Variants in PPARGC1A observed in about 807,000 individuals in gnomAD.
The protein encoded by PPARGC1A is PPARG coactivator 1 alpha.
PPARGC1A carries 25 observed loss-of-function variants against 88.7 expected under a neutral mutation model. The ratio of observed to expected loss-of-function variants is 0.28; its 90% CI spans 0.21 to 0.39. The LOEUF is 0.39. PPARGC1A is among the 10% of genes least tolerant of loss of function. The pLI, the probability that PPARGC1A is intolerant of heterozygous loss-of-function variation, is 1.00. For synonymous variants in PPARGC1A, 363 were observed against 355.6 expected, an observed-to-expected ratio of 1.02 and a Z score of -0.24; for missense variants, 880 against 968.7, an observed-to-expected ratio of 0.91 and a Z score of 1.22.
At chr4:24,161,464 C>T in the PPARGC1A span, among the ~76,000 whole-genome samples, 2 of 152,120 alleles carry the variant, frequency 1.3e-5, no homozygotes, top group African/African-American at 4.8e-5. Flanking sequence ...GGCTGTGTGC[C>T]GATAAGAGGC....
At chr4:24,426,957 A>G in the PPARGC1A span, among the ~76,000 whole-genome samples, 1 of 152,230 alleles carries the variant, frequency 6.6e-6, no homozygotes, top group African/African-American at 2.4e-5. Flanking sequence ...TTCAGCTGTC[A>G]GGAAAGCTGC....
chr4:24,443,613 T>C, the PPARGC1A span, among the ~76,000 whole-genome samples: 6 of 151,904 alleles, frequency 3.9e-5, no homozygotes, highest in Non-Finnish European at 8.8e-5. Context: ...TGAAGTGCAG[T>C]GTCAAAATCT....
At chr4:24,064,258 G>A in the PPARGC1A span, among the ~76,000 whole-genome samples, 5 of 152,138 alleles carry the variant, frequency 3.3e-5, no homozygotes, top group Admixed American at 6.5e-5. Context: ...AGGGGAGGGG[G>A]CTGGTGACAA....
the PPARGC1A span, among the ~76,000 whole-genome samples, chr4:24,195,119 T>G: frequency 6.6e-6 from 1 of 152,180 alleles, no homozygotes. Context: ...ATGAATAGAG[T>G]ACCTATGTTA....
chr4:24,299,311 C>T, the PPARGC1A span, among the ~76,000 whole-genome samples: 1 of 152,108 alleles, frequency 6.6e-6, no homozygotes, highest in Non-Finnish European at 1.5e-5. Flanking sequence ...AAATTATTCA[C>T]TAAAGCCATA....
the PPARGC1A span, among the ~76,000 whole-genome samples, chr4:24,009,150 A>AAAAAGAG: frequency 1.3e-5 from 1 of 79,798 alleles, no homozygotes; most frequent in Non-Finnish European, 2.2e-5. Flanking sequence ...AAAAAAAAAA[A>AAAAAGAG]AGAGAGAGAA....
At chr4:23,849,602 GA>G (rs1212358173) in intron 2 of PPARGC1A, among the ~76,000 whole-genome samples, 2 of 151,868 alleles carry the variant, frequency 1.3e-5, no homozygotes, top group African/African-American at 4.8e-5. Flanking sequence ...GATAAGGGAA[GA>G]AAAAATGGAT....
At chr4:24,225,397 G>A in the PPARGC1A span, among the ~76,000 whole-genome samples, 6 of 152,062 alleles carry the variant, frequency 3.9e-5, no homozygotes, top group South Asian at 2.1e-4. Context: ...GTGAAACCCC[G>A]TCTCTACTAA....
intron 2 of PPARGC1A, among the ~76,000 whole-genome samples, chr4:23,848,800 A>G (rs1291570349): frequency 1.3e-5 from 2 of 152,126 alleles, no homozygotes; most frequent in East Asian, 1.9e-4. Context: ...TCAAGTTACA[A>G]TTCTGTCATA....
chr4:24,002,089 C>A, the PPARGC1A span, among the ~76,000 whole-genome samples: 1 of 136,840 alleles, frequency 7.3e-6, no homozygotes, highest in Non-Finnish European at 1.5e-5. Context: ...CACACACACA[C>A]ACACACACAG....
chr4:24,439,987 T>C, the PPARGC1A span, among the ~76,000 whole-genome samples: 1 of 152,228 alleles, frequency 6.6e-6, no homozygotes, highest in Non-Finnish European at 1.5e-5. Context: ...TTATTCAAAC[T>C]GTTTTGGAGA....
chr4:23,883,862 A>G (rs1309295769), intron 2 of PPARGC1A: 1 of 152,326 alleles, frequency 6.6e-6, no homozygotes, highest in Non-Finnish European at 1.5e-5. Context: ...AAGTATAAGA[A>G]ATGTCTTTGC....
At chr4:24,257,260 A>G in the PPARGC1A span, among the ~76,000 whole-genome samples, 1 of 152,184 alleles carries the variant, frequency 6.6e-6, no homozygotes. Context: ...GATGAGACAT[A>G]TAAGACCCTT....
At chr4:24,110,687 TA>T in the PPARGC1A span, among the ~76,000 whole-genome samples, 1 of 152,134 alleles carries the variant, frequency 6.6e-6, no homozygotes, top group Non-Finnish European at 1.5e-5. Flanking sequence ...TTTCTTGATG[TA>T]AAAGGAAAGA....
intron 7 of PPARGC1A, 53 bp from the exon 8 acceptor site, chr4:23,814,658 G>C: frequency 7.1e-7 from 1 of 1,409,458 alleles, no homozygotes; most frequent in Non-Finnish European, 9.5e-7. Flanking sequence ...AAAAGAGACA[G>C]AGATAATGTT....
chr4:24,020,466 ACTGT>A, the PPARGC1A span, among the ~76,000 whole-genome samples: 1 of 152,068 alleles, frequency 6.6e-6, no homozygotes, highest in African/African-American at 2.4e-5. Context: ...ATCAATACAG[ACTGT>A]CTTAGAAACT....
the PPARGC1A span, among the ~76,000 whole-genome samples, chr4:24,149,120 A>G: frequency 3.3e-5 from 5 of 152,220 alleles, no homozygotes; most frequent in African/African-American, 1.2e-4. Flanking sequence ...CAAAAATAAC[A>G]TTGTCAAAAT....
the PPARGC1A span, among the ~76,000 whole-genome samples, chr4:23,981,345 G>T: frequency 1.3e-5 from 2 of 152,012 alleles, no homozygotes; most frequent in African/African-American, 2.4e-5. Context: ...AAAAGAAAAA[G>T]TTCTTTACTT....
chr4:23,805,547 C>T (rs1253945788), intron 10 of PPARGC1A, among the ~76,000 whole-genome samples: 2 of 152,126 alleles, frequency 1.3e-5, no homozygotes, highest in Non-Finnish European at 2.9e-5. Context: ...CCGAGCACAT[C>T]CTGGCAGTCA....
Sources: allele counts gnomAD v4.1 joint callset (sites outside exome capture counted in the v4.1 genomes callset), GRCh38; gene constraint gnomAD v4.1.1; transcripts MANE v1.5; gene names NCBI Gene and HGNC (gene_info 2026-07-23, HGNC 2026-07-21).